The following KDM4C variants were observed in gnomAD, a reference collection of about 807,000 sequenced individuals.
KDM4C encodes lysine-specific demethylase 4C.
In KDM4C, 81 loss-of-function variants were observed where a neutral mutation model predicts 129.3. The ratio of observed to expected loss-of-function variants is 0.63; its 90% CI spans 0.52 to 0.75. KDM4C has a LOEUF of 0.75. Among genes scored for constraint, KDM4C ranks in the 30% least tolerant of loss-of-function variants. The probability of loss-of-function intolerance (pLI) is 0.00; values close to 1 mark genes in which losing one functional copy is unlikely to be tolerated. For missense variants in KDM4C, 1,457 were observed against 1,304.0 expected, an observed-to-expected ratio of 1.12 and a Z score of -1.81; for synonymous variants, 573 against 456.1, an observed-to-expected ratio of 1.26 and a Z score of -3.26.
chr9:6,866,005 G>A (rs1460017412), intron 5 of KDM4C, among the ~76,000 whole-genome samples: 1 of 151,800 alleles, frequency 6.6e-6, no homozygotes, highest in Non-Finnish European at 1.5e-5. Context: ...CGCCCGCCTC[G>A]GCCTCCCAGA....
chr9:7,056,661 A>G (rs752172638), intron 17 of KDM4C, among the ~76,000 whole-genome samples: 1 of 152,228 alleles, frequency 6.6e-6, no homozygotes, highest in Non-Finnish European at 1.5e-5. Flanking sequence ...TTAAATTTTC[A>G]GTTTTGAAGT....
At chr9:7,131,078 C>T (rs568501554) in intron 19 of KDM4C, among the ~76,000 whole-genome samples, 9 of 105,270 alleles carry the variant, frequency 8.5e-5, no homozygotes, top group Admixed American at 2.2e-4. Flanking sequence ...CTAATAACTT[C>T]TTCAGGAAAA....
chr9:7,115,216 A>AT (rs997972165), intron 18 of KDM4C, among the ~76,000 whole-genome samples: 1 of 152,106 alleles, frequency 6.6e-6, no homozygotes, highest in East Asian at 1.9e-4. Flanking sequence ...TTATTTATTT[A>AT]TTTTTTTCGT....
chr9:6,784,869 T>C (rs1825143271), intron 1 of KDM4C, among the ~76,000 whole-genome samples: 1 of 152,212 alleles, frequency 6.6e-6, no homozygotes, highest in Non-Finnish European at 1.5e-5. Context: ...GTAGATGTGC[T>C]AACGATTAAT....
chr9:6,781,480 C>G (rs558107216), intron 1 of KDM4C, among the ~76,000 whole-genome samples: 7 of 152,050 alleles, frequency 4.6e-5, no homozygotes, highest in East Asian at 1.9e-4. Context: ...CTGAACCAAC[C>G]TTATGTAACA....
chr9:6,898,561 G>C (rs540957649), intron 8 of KDM4C, among the ~76,000 whole-genome samples: 1 of 152,238 alleles, frequency 6.6e-6, no homozygotes, highest in South Asian at 2.1e-4. Flanking sequence ...ATAAACTCCA[G>C]GAGTACTACC....
At chr9:6,941,750 C>G (rs1239026348) in intron 8 of KDM4C, 7 of 152,224 alleles carry the variant, frequency 4.6e-5, no homozygotes, top group African/African-American at 1.7e-4. Context: ...GAATCTACAT[C>G]ACATTCACCC....
chr9:7,095,243 T>A (rs543188928), intron 17 of KDM4C, among the ~76,000 whole-genome samples: 1 of 152,334 alleles, frequency 6.6e-6, no homozygotes, highest in East Asian at 1.9e-4. Context: ...TAAACATACA[T>A]GAAACAGAGA....
At chr9:6,888,098 G>T (rs1234262721) in intron 7 of KDM4C, 35 bp downstream of exon 7, 1 of 1,142,662 alleles carries the variant, frequency 8.8e-7, no homozygotes, top group East Asian at 2.6e-5. Flanking sequence ...AATTAATTTT[G>T]TTTGTGTAGG....
At chr9:6,722,100 C>T (rs1816974221) in intron 1 of KDM4C, among the ~76,000 whole-genome samples, 2 of 152,152 alleles carry the variant, frequency 1.3e-5, no homozygotes, top group Admixed American at 1.3e-4. Flanking sequence ...GCTGGTTCCC[C>T]AATAGCCTAG....
intron 19 of KDM4C, among the ~76,000 whole-genome samples, chr9:7,152,702 T>C (rs531403116): frequency 2.0e-5 from 3 of 152,332 alleles, no homozygotes; most frequent in Admixed American, 6.5e-5. Flanking sequence ...TTTAGTGTTA[T>C]GGGTATTTTA....
At chr9:6,800,841 T>C (rs963636068) in intron 2 of KDM4C, among the ~76,000 whole-genome samples, 1 of 152,194 alleles carries the variant, frequency 6.6e-6, no homozygotes, top group Non-Finnish European at 1.5e-5. Flanking sequence ...TTGCCTAGGC[T>C]TGTCTCGAAT....
intron 2 of KDM4C, among the ~76,000 whole-genome samples, chr9:6,795,625 C>A (rs1175261695): frequency 6.6e-6 from 1 of 152,108 alleles, no homozygotes; most frequent in Non-Finnish European, 1.5e-5. Flanking sequence ...AGCCACCGTG[C>A]CCGGACATGT....
chr9:6,808,104 G>A (rs1458092758), intron 3 of KDM4C, among the ~76,000 whole-genome samples: 3 of 49,120 alleles, frequency 6.1e-5, no homozygotes, highest in East Asian at 6.3e-4. Context: ...CAGCCGCCCC[G>A]TCCGGGAGGT....
chr9:6,824,840 G>A (rs936374427), intron 4 of KDM4C, among the ~76,000 whole-genome samples: 3 of 151,944 alleles, frequency 2.0e-5, no homozygotes, highest in African/African-American at 7.3e-5. Flanking sequence ...AATCTCTTAT[G>A]TCTAGCTCAA....
intron 3 of KDM4C, 37 bp downstream of exon 3, chr9:6,805,811 A>G (rs2131023255): frequency 6.4e-7 from 1 of 1,568,696 alleles, no homozygotes; most frequent in Non-Finnish European, 8.7e-7. Context: ...GTTTCCTTCA[A>G]AGATTTATGT....
chr9:6,856,539 C>CGTGTGTGTGTGT lies in KDM4C; in HGVS notation c.629+6870_629+6881dup, dbSNP rs201267627. On this transcript the variant is annotated intron_variant, in intron 5 of 21. Coordinates refer to ENST00000381309, the MANE Select transcript of KDM4C (RefSeq NM_015061.6). The stretch of plus-strand genomic sequence containing the variant: ...TTTTAGGCATATCTCTCTCTGTGTG[C>CGTGTGTGTGTGT]GTGTGTGTGTGTGTGTGTGTGTGTG... Among the ~76,000 whole-genome samples the CGTGTGTGTGTGT allele has an allele frequency of 2.1e-3, 273 of 131,584 alleles. 2 individuals carry two copies. The highest frequency in any genetic ancestry group is 0.019 in the East Asian group (84 of 4,480). The allele number at this position is 131,584 out of a possible 152,430, so 86.3% of individuals were successfully genotyped here.
At chr9:7,165,204 C>T (rs761005505) in intron 19 of KDM4C, 34 bp from the exon 20 acceptor site, 1 of 1,610,160 alleles carries the variant, frequency 6.2e-7, no homozygotes, top group Non-Finnish European at 8.5e-7. Flanking sequence ...CTTAGGCACT[C>T]CTTTTGAAAA....
intron 17 of KDM4C, among the ~76,000 whole-genome samples, chr9:7,062,913 A>T (rs1156982410): frequency 1.3e-5 from 2 of 152,086 alleles, no homozygotes; most frequent in East Asian, 1.9e-4. Flanking sequence ...ATATAAACTA[A>T]TTTTTCCCTT....
Sources: allele counts gnomAD v4.1 joint callset (sites outside exome capture counted in the v4.1 genomes callset), GRCh38; gene constraint gnomAD v4.1.1; transcripts MANE v1.5; gene names NCBI Gene and HGNC (gene_info 2026-07-23, HGNC 2026-07-21).